Variants in ATAD5 observed in about 807,000 individuals in gnomAD.
The protein encoded by ATAD5 is ATPase family AAA domain-containing protein 5.
In ATAD5, 58 loss-of-function variants were observed where a neutral mutation model predicts 176.9. The observed-to-expected ratio is 0.33, with a 90% CI of 0.27 to 0.41. The LOEUF is 0.41. ATAD5 is among the 10% of genes least tolerant of loss of function. The pLI is 1.00. For missense variants in ATAD5, 1,789 were observed against 2,094.1 expected, an observed-to-expected ratio of 0.85 and a Z score of 2.84; for synonymous variants, 640 against 712.6, an observed-to-expected ratio of 0.90 and a Z score of 1.62.
At chr17:30,888,953 G>A (rs1280817222) in intron 19 of ATAD5, among the ~76,000 whole-genome samples, 7 of 151,494 alleles carry the variant, frequency 4.6e-5, no homozygotes, top group Non-Finnish European at 1.0e-4. Context: ...GTAGCTACTC[G>A]GGAGGCTGAG....
chr17:30,857,222 A>ATT (rs995996112), intron 8 of ATAD5, 110 bp downstream of exon 8: 2,826 of 949,534 alleles, frequency 3.0e-3, no homozygotes, highest in Middle Eastern at 3.3e-3. Flanking sequence ...CTAGAGTTTA[A>ATT]TTTTTTTTTT....
intron 3 of ATAD5, among the ~76,000 whole-genome samples, 187 bp from the exon 4 acceptor site, chr17:30,840,430 G>A (rs1221137887): frequency 6.6e-6 from 1 of 152,088 alleles, no homozygotes; most frequent in Non-Finnish European, 1.5e-5. Context: ...TTACCTGGAT[G>A]ATTTCAAGTA....
At chr17:30,841,210 T>C (rs761029534) in intron 4 of ATAD5, among the ~76,000 whole-genome samples, 13 of 152,048 alleles carry the variant, frequency 8.5e-5, no homozygotes, top group Non-Finnish European at 1.3e-4. Context: ...GGTTTCACAG[T>C]GATTGGCCAG....
intron 17 of ATAD5, among the ~76,000 whole-genome samples, chr17:30,878,735 T>G (rs916993531): frequency 7.7e-6 from 1 of 129,472 alleles, no homozygotes; most frequent in Non-Finnish European, 1.6e-5. Context: ...TTTTTTTTTT[T>G]TTTTTTTTTT....
chr17:30,856,995 CTT>C lies in ATAD5; in HGVS notation c.2677_2678del (p.Leu893AsnfsTer2). 1.9e-6 allele frequency: 3 copies of C among 1,605,258 alleles called. No homozygotes were observed. Among genetic ancestry groups the C allele is most frequent in the Non-Finnish European group, 1.7e-6 (2 of 1,178,082 alleles). ...WHLKPPSCPL[L>X]TKFKELNTKV... is the part of the protein sequence containing the mutation. Reference sequence around the variant, plus strand: ...ATTTGAAACCACCCTCTTGTCCTCTCTTAACTAAATTTAAAGAACTGAACACT... The same window carrying C: ...ATTTGAAACCACCCTCTTGTCCTCTCAACTAAATTTAAAGAACTGAACACT... On this transcript the variant is annotated frameshift_variant, in exon 8 of 23. Coordinates refer to ENST00000321990, the MANE Select transcript of ATAD5 (RefSeq NM_024857.5). LOFTEE classifies it high-confidence loss of function.
chr17:30,863,436 G>A lies in ATAD5; in HGVS notation c.3137-2268G>A, dbSNP rs548388816. On this transcript the variant is annotated intron_variant, in intron 10 of 22. Transcript: ENST00000321990. ...TGCTGGAGTGCAGTGGCGCGATCTC[G>A]GCTCACTGCAAGCTCCGCCTCCTGG... Among the ~76,000 whole-genome samples the A allele has an allele frequency of 2.1e-3, 319 of 151,106 alleles. 1 individual carries two copies. Among genetic ancestry groups the A allele is most frequent in the African/African-American group, 5.3e-3 (217 of 41,172 alleles).
At position 30,832,265 on chromosome 17, in the gene ATAD5, A is replaced by C; in HGVS notation, c.-83A>C. The C allele has an allele frequency of 7.8e-7, 1 of 1,278,092 alleles. No individual in the cohort carries two copies. Among genetic ancestry groups the C allele is most frequent in the Non-Finnish European group, 1.0e-6 (1 of 975,566 alleles). 79.2% of individuals were successfully genotyped at this position (1,278,092 alleles called of 1,614,324 possible). ...AATCCCAGCAGCTTGCTGCTACTGG[A>C]GCGGGCCGCCTCCATGGCCTCCAGG... On this transcript the variant is annotated 5_prime_UTR_variant, in exon 1 of 23. Coordinates refer to ENST00000321990, the MANE Select transcript of ATAD5 (RefSeq NM_024857.5).
At chr17:30,865,173 A>ATTTT (rs1361518168) in intron 10 of ATAD5, among the ~76,000 whole-genome samples, 1 of 133,998 alleles carries the variant, frequency 7.5e-6, no homozygotes, top group Non-Finnish European at 1.6e-5. Flanking sequence ...GTGCACTTTA[A>ATTTT]TTTTTTTTTT....
chr17:30,836,892 G>T (rs1905779346), intron 2 of ATAD5, among the ~76,000 whole-genome samples: 1 of 152,198 alleles, frequency 6.6e-6, no homozygotes. Context: ...TGAATCAGTG[G>T]TTTGAAACTG....
intron 14 of ATAD5, among the ~76,000 whole-genome samples, chr17:30,870,921 G>A (rs1908297337): frequency 6.6e-6 from 1 of 151,766 alleles, no homozygotes. Context: ...TGAGTTTCTT[G>A]CATATATGAG....
At chr17:30,886,172 C>CTT (rs910083843) in intron 18 of ATAD5, among the ~76,000 whole-genome samples, 1 of 136,752 alleles carries the variant, frequency 7.3e-6, no homozygotes, top group East Asian at 2.1e-4. Context: ...TAACTTTTTT[C>CTT]TTTTTTTTTT....
Position 30,878,091 on chromosome 17 carries a change from C to A in ATAD5, c.4007C>A (p.Thr1336Lys). 6.2e-7 allele frequency: 1 copy of A among 1,601,974 alleles called. No individual in the cohort carries two copies. Among genetic ancestry groups the A allele is most frequent in the South Asian group, 1.1e-5 (1 of 89,390 alleles). The change falls in exon 17 of 23, where the codon ACA becomes AAA. Residue 1336 changes from threonine to lysine, a missense_variant. Coordinates refer to ENST00000321990, the MANE Select transcript of ATAD5 (RefSeq NM_024857.5). ...ATTKRPVILT[T>K]SDPTFSLMFD... Reference sequence around the variant, plus strand: ...ACTAAACGACCTGTAATCCTTACTACAAGTGGTAGGTAACAATGATTTTAC... The same window carrying A: ...ACTAAACGACCTGTAATCCTTACTAAAAGTGGTAGGTAACAATGATTTTAC...
Position 30,894,104 on chromosome 17 carries a change from C to T in ATAD5, c.5251C>T (p.Gln1751Ter). Reference protein sequence around the residue: ...PTNDLTFYVSQKRNNVYFSQS... With the variant: ...PTNDLTFYVS ...CAACGATCTTACTTTTTATGTTTCA[C>T]AAAAGCGCAATAATGTATACTTTAG... Residue 1751 changes from glutamine (Q) to a stop codon, truncating the protein, a stop_gained, in exon 21 of 23, where the codon CAA becomes TAA. Transcript: ENST00000321990. LOFTEE classifies it high-confidence loss of function. The T allele has an allele frequency of 6.2e-7, 1 of 1,600,446 alleles. No homozygotes were observed. The highest frequency in any genetic ancestry group is 8.5e-7 in the Non-Finnish European group (1 of 1,171,312).
At chr17:30,846,681 G>T (rs1055673815) in intron 6 of ATAD5, among the ~76,000 whole-genome samples, 2 of 150,908 alleles carry the variant, frequency 1.3e-5, no homozygotes. Context: ...GATTATAGGC[G>T]TGAGCCACCG....
Position 30,834,784 on chromosome 17 carries a change from G to T in ATAD5, c.703G>T (p.Asp235Tyr). The T allele has an allele frequency of 6.2e-7, 1 of 1,614,052 alleles. No individual in the cohort carries two copies. The highest frequency in any genetic ancestry group is 8.5e-7 in the Non-Finnish European group (1 of 1,179,982). ...ELNLLKKDGK[D>Y]TKQMENTTSH... is the part of the protein sequence containing the mutation. Reference sequence around the variant, plus strand: ...AAATTTGCTTAAAAAAGATGGTAAAGATACTAAACAGATGGAGAATACTAC... The same window carrying T: ...AAATTTGCTTAAAAAAGATGGTAAATATACTAAACAGATGGAGAATACTAC... The change falls in exon 2 of 23, where the codon GAT (aspartate) becomes TAT (tyrosine). Residue 235 changes from aspartate (D) to tyrosine (Y), a missense_variant. This residue lies in a region of ATAD5 where 696 missense variants were observed against 712.5 expected (regional missense o/e 0.98). Coordinates refer to ENST00000321990, the MANE Select transcript of ATAD5 (RefSeq NM_024857.5).
chr17:30,891,293 A>G (rs1909628481), intron 19 of ATAD5, among the ~76,000 whole-genome samples: 1 of 152,214 alleles, frequency 6.6e-6, no homozygotes, highest in Non-Finnish European at 1.5e-5. Flanking sequence ...TTAAAAAGTG[A>G]AACATGTACA....
intron 10 of ATAD5, among the ~76,000 whole-genome samples, chr17:30,865,393 C>T (rs1271073391): frequency 3.9e-5 from 6 of 151,946 alleles, no homozygotes; most frequent in East Asian, 1.9e-4. Context: ...AGGATGGTAT[C>T]GATCTCCTGA....
At chr17:30,881,805 T>A in intron 18 of ATAD5, among the ~76,000 whole-genome samples, 1 of 151,954 alleles carries the variant, frequency 6.6e-6, no homozygotes, top group East Asian at 1.9e-4. Flanking sequence ...TCCCAGCTAC[T>A]TGGGAGATTG....
rs1233646329 is a variant in ATAD5, at chr17:30,894,129, G to A, written c.5276G>A (p.Ser1759Asn). The change falls in exon 21 of 23, where the codon AGT becomes AAT. Residue 1759 changes from serine to asparagine, a missense_variant. Coordinates refer to ENST00000321990, the MANE Select transcript of ATAD5 (RefSeq NM_024857.5). The part of the protein sequence containing the change: ...VSQKRNNVYF[S>N]QSAANLDNAW... ...CAAAAGCGCAATAATGTATACTTTAGTCAGTCAGCAGCTAATTTAGAGTAA... is the reference window on the plus strand; with the variant it reads ...CAAAAGCGCAATAATGTATACTTTAATCAGTCAGCAGCTAATTTAGAGTAA... 1 of 1,565,934 alleles carries A rather than the reference G, an allele frequency of 6.4e-7. No homozygotes were observed. The highest frequency in any genetic ancestry group is 1.9e-5 in the Admixed American group (1 of 52,484).
Sources: allele counts gnomAD v4.1 joint callset (sites outside exome capture counted in the v4.1 genomes callset), GRCh38; gene constraint gnomAD v4.1.1; regional missense constraint gnomAD v4.1.1; transcripts MANE v1.5; gene names NCBI Gene and HGNC (gene_info 2026-07-23, HGNC 2026-07-21).